The following COL6A6 variants were observed in gnomAD, a reference collection of about 807,000 sequenced individuals.
The protein encoded by COL6A6 is collagen alpha-6(VI) chain.
Under a neutral mutation model 208.6 loss-of-function variants are expected in COL6A6, and 183 were observed. That is an observed-to-expected ratio of 0.88 (90% CI 0.78 to 0.99). The LOEUF is 0.99. Among genes scored for constraint, COL6A6 ranks in the 50% least tolerant of loss-of-function variants. The pLI is 0.00. For missense variants in COL6A6, 2,816 were observed against 2,815.2 expected, an observed-to-expected ratio of 1.00 and a Z score of -0.01; for synonymous variants, 973 against 1,011.8, an observed-to-expected ratio of 0.96 and a Z score of 0.73.
intron 13 of COL6A6, among the ~76,000 whole-genome samples, chr3:130,592,158 G>GCATGCT: frequency 1.3e-5 from 2 of 148,400 alleles, no homozygotes; most frequent in East Asian, 4.0e-4. Flanking sequence ...TGTTTAGAAA[G>GCATGCT]CATGCTCAAG....
chr3:130,638,158 C>A (rs1020090108), intron 28 of COL6A6, among the ~76,000 whole-genome samples: 1 of 151,968 alleles, frequency 6.6e-6, no homozygotes, highest in African/African-American at 2.4e-5. Flanking sequence ...AATCCTTCAC[C>A]CCCTCACTCA....
At chr3:130,554,133 A>G (rs1577685043) in intron 1 of COL6A6, among the ~76,000 whole-genome samples, 1 of 152,216 alleles carries the variant, frequency 6.6e-6, no homozygotes, top group East Asian at 1.9e-4. Context: ...AGTGCTAGCC[A>G]AAGTGCTTTG....
intron 20 of COL6A6, among the ~76,000 whole-genome samples, chr3:130,604,949 C>G (rs529230829): frequency 6.6e-6 from 1 of 152,328 alleles, no homozygotes; most frequent in Admixed American, 6.5e-5. Flanking sequence ...TGACCATGTA[C>G]TTTTCCAGCT....
intron 18 of COL6A6, among the ~76,000 whole-genome samples, chr3:130,596,741 A>G (rs1368924123): frequency 6.6e-6 from 1 of 152,242 alleles, no homozygotes; most frequent in Non-Finnish European, 1.5e-5. Context: ...ACACACCAAC[A>G]TGGCACATGT....
Position 130,606,968 on chromosome 3 carries a change from T to C in COL6A6, c.4689+2T>C. 6 of 1,606,948 alleles carry C rather than the reference T, an allele frequency of 3.7e-6. No individual in the cohort carries two copies. The highest frequency in any genetic ancestry group is 5.1e-6 in the Non-Finnish European group (6 of 1,176,336). Reference sequence around the variant, plus strand: ...AGAAGGGGACATACAGGCCCACAGGTACAATGATTTTTCCCCTTAACTCCA... The same window carrying C: ...AGAAGGGGACATACAGGCCCACAGGCACAATGATTTTTCCCCTTAACTCCA... On this transcript the variant is annotated splice_donor_variant, in intron 21 of 36. Transcript: ENST00000358511. LOFTEE classifies it high-confidence loss of function.
At chr3:130,566,272 A>T (rs1385625017) in intron 4 of COL6A6, among the ~76,000 whole-genome samples, 1 of 152,206 alleles carries the variant, frequency 6.6e-6, no homozygotes, top group Admixed American at 6.5e-5. Context: ...TTAGATGACT[A>T]GGAGCGGGTA....
At chr3:130,552,138 A>G (rs2062657610) in intron 1 of COL6A6, among the ~76,000 whole-genome samples, 1 of 152,106 alleles carries the variant, frequency 6.6e-6, no homozygotes, top group African/African-American at 2.4e-5. Flanking sequence ...GGAGAGTTCT[A>G]TGTATGTCTA....
At chr3:130,634,738 G>A in intron 27 of COL6A6, 113 bp downstream of exon 27, 1 of 732,380 alleles carries the variant, frequency 1.4e-6, no homozygotes, top group Non-Finnish European at 2.2e-6. Flanking sequence ...TCCTACCTTT[G>A]TGCGGAGAAG....
At chr3:130,617,425 T>C (rs1248344277) in intron 23 of COL6A6, among the ~76,000 whole-genome samples, 2 of 152,124 alleles carry the variant, frequency 1.3e-5, no homozygotes, top group Non-Finnish European at 2.9e-5. Flanking sequence ...GTTTTCCGGG[T>C]AACCAAGGAA....
In COL6A6 at chr3:130,581,906, T is replaced by C. The variant is rs768857190; in HGVS notation, c.3891+2T>C. On this transcript the variant is annotated splice_donor_variant, in intron 9 of 36. Coordinates refer to ENST00000358511, the MANE Select transcript of COL6A6 (RefSeq NM_001102608.3). LOFTEE classifies it high-confidence loss of function. ...AATAAATCAGCTGCTCGAGGAAAGG[T>C]AACATGGATTTATCTTATTTGTTGG... The C allele has an allele frequency of 5.6e-6, 9 of 1,602,162 alleles. No homozygotes were observed. The East Asian group carries it at 2.0e-4, about 36-fold the overall frequency.
intron 31 of COL6A6, among the ~76,000 whole-genome samples, chr3:130,643,775 T>G (rs2065385927): frequency 6.6e-6 from 1 of 152,212 alleles, no homozygotes; most frequent in African/African-American, 2.4e-5. Context: ...GCCAAAAGTT[T>G]CCTCCAGATA....
intron 2 of COL6A6, among the ~76,000 whole-genome samples, chr3:130,561,634 C>CTTTTTTTT (rs398052265): frequency 2.6e-5 from 2 of 75,950 alleles, no homozygotes; most frequent in African/African-American, 1.2e-4. Context: ...GTTGAATCTA[C>CTTTTTTTT]TTTTTTTTTT....
intron 2 of COL6A6, among the ~76,000 whole-genome samples, chr3:130,562,315 A>G (rs1019399883): frequency 6.6e-6 from 1 of 152,216 alleles, no homozygotes; most frequent in Non-Finnish European, 1.5e-5. Flanking sequence ...TAAAACTTAT[A>G]TTTTTAATGG....
intron 1 of COL6A6, among the ~76,000 whole-genome samples, chr3:130,543,902 A>G (rs1399274007): frequency 6.6e-6 from 1 of 152,202 alleles, no homozygotes; most frequent in African/African-American, 2.4e-5. Context: ...TGTTTGAGAA[A>G]GTATTTCTTC....
At chr3:130,530,567 TTC>T (rs1490497568) in intron 1 of COL6A6, among the ~76,000 whole-genome samples, 3 of 152,230 alleles carry the variant, frequency 2.0e-5, no homozygotes, top group African/African-American at 7.2e-5. Context: ...GGAAAATTTA[TTC>T]TCTGAGTTTT....
chr3:130,642,243 ATGTGTGTG>A lies in COL6A6; in HGVS notation c.5155-553_5155-546del, dbSNP rs3074299. ...TCTATCCCAAACTCTGACAGATTAT[ATGTGTGTG>A]TGTGTGTGTGTGTGTGTGTGTGTGT... is the stretch of plus-strand genomic sequence containing the variant. On this transcript the variant is annotated intron_variant, in intron 29 of 36. Transcript: ENST00000358511. Among the ~76,000 whole-genome samples the A allele has an allele frequency of 1.9e-3, 274 of 142,176 alleles. 1 individual carries two copies. The highest frequency in any genetic ancestry group is 0.011 in the Middle Eastern group (3 of 280). 93.3% of individuals were successfully genotyped at this position (142,176 alleles called of 152,430 possible).
intron 13 of COL6A6, 80 bp from the exon 14 acceptor site, chr3:130,592,460 TA>T: frequency 9.0e-7 from 1 of 1,106,962 alleles, no homozygotes; most frequent in Non-Finnish European, 1.3e-6. Context: ...CTTTTTTTGG[TA>T]ACAAAAAACT....
chr3:130,582,505 C>T (rs2063448991), intron 10 of COL6A6, among the ~76,000 whole-genome samples: 1 of 152,150 alleles, frequency 6.6e-6, no homozygotes, highest in Non-Finnish European at 1.5e-5. Context: ...TAAATTTACT[C>T]ATGTTTTGCA....
At position 130,608,888 on chromosome 3, in the gene COL6A6, C is replaced by A; in HGVS notation, c.4690-14C>A. ...AGGAAACAGTGTTAACAGATTGATT[C>A]TTTCTCGCCACAGGGAACAGCAGGC... On this transcript the variant is annotated splice_polypyrimidine_tract_variant and intron_variant, in intron 21 of 36. Coordinates refer to ENST00000358511, the MANE Select transcript of COL6A6 (RefSeq NM_001102608.3). 2 of 1,516,024 alleles carry A rather than the reference C, an allele frequency of 1.3e-6. No homozygotes were observed. The highest frequency in any genetic ancestry group is 1.8e-6 in the Non-Finnish European group (2 of 1,123,458). The allele number at this position is 1,516,024 out of a possible 1,614,324, so 93.9% of individuals were successfully genotyped here. A position where few individuals can be genotyped will look rare whatever the true frequency, so the allele number is the denominator to read the frequency against.
Sources: allele counts gnomAD v4.1 joint callset (sites outside exome capture counted in the v4.1 genomes callset), GRCh38; gene constraint gnomAD v4.1.1; transcripts MANE v1.5; gene names NCBI Gene and HGNC (gene_info 2026-07-23, HGNC 2026-07-21).